Variants in MAPK8IP1 observed in about 807,000 individuals in gnomAD.
MAPK8IP1 encodes C-Jun-amino-terminal kinase-interacting protein 1.
Under a neutral mutation model 72.6 loss-of-function variants are expected in MAPK8IP1, and 17 were observed. The observed-to-expected ratio is 0.23, with a 90% confidence interval of 0.16 to 0.35. The LOEUF (loss-of-function observed/expected upper bound fraction) is 0.35, where lower values mean the gene tolerates loss of function less well. MAPK8IP1 is among the 10% of genes least tolerant of loss of function. The probability of loss-of-function intolerance (pLI) is 1.00; values close to 1 mark genes in which losing one functional copy is unlikely to be tolerated. For synonymous variants in MAPK8IP1, 401 were observed against 443.4 expected, an observed-to-expected ratio of 0.90 and a Z score of 1.20; for missense variants, 789 against 1,009.7, an observed-to-expected ratio of 0.78 and a Z score of 2.96.
Position 45,903,197 on chromosome 11 carries a change from G to A in MAPK8IP1, c.1417+13G>A. 6.3e-7 allele frequency: 1 copy of A among 1,599,110 alleles called. No homozygotes were observed. ...TCCCGCTCCTCCAGTGAGTCAGCAA[G>A]GGGAAGCAGTGGGGTGGGGGGGTCC... On this transcript the variant is annotated intron_variant, in intron 5 of 11. Transcript: ENST00000241014. This position sits in a 1 kb window ranked among gnomAD's most constrained non-coding sequence, Gnocchi z 6.4.
rs748573876 is a variant in MAPK8IP1 at position 45,905,745 on chromosome 11, C to G, written c.*24C>G. 6.2e-6 allele frequency: 10 copies of G among 1,607,530 alleles called. No individual in the cohort carries two copies. In the South Asian group the frequency reaches 1.1e-4, roughly 18 times the overall value. On this transcript the variant is annotated 3_prime_UTR_variant, in exon 12 of 12. Transcript: ENST00000241014. ...AGCTGTGCAGCCCCGCCCTCTGCGT[C>G]CCCCAGCCCTCAGGCCAGTGCCAGG...
chr11:45,894,470 A>C lies in MAPK8IP1; in HGVS notation c.102-3615A>C, dbSNP rs78697786. 1.1e-4 allele frequency among the ~76,000 whole-genome samples: 17 copies of C among 151,814 alleles called. No homozygotes were observed. The East Asian group carries it at 3.1e-3, about 28-fold the overall frequency. ...TATTCTTTCTAGCATTGCCCAATTA[A>C]AGCCCAGTGCCCTCAGCTGTACAGG... On this transcript the variant is annotated intron_variant, in intron 1 of 11. Coordinates refer to ENST00000241014, the MANE Select transcript of MAPK8IP1 (RefSeq NM_005456.4).
intron 1 of MAPK8IP1, among the ~76,000 whole-genome samples, chr11:45,890,423 A>G (rs1211335488): frequency 1.3e-5 from 2 of 152,246 alleles, no homozygotes; most frequent in Non-Finnish European, 2.9e-5. Context: ...TAATGTTTCA[A>G]AAAAGTTTAT....
chr11:45,902,016 A>T lies in MAPK8IP1; in HGVS notation c.559A>T (p.Ser187Cys). ...LNNNSLGKKH[S>C]WQDRVSRSSS... ...TAATAATTCTCTGGGCAAAAAGCAC[A>T]GTTGGCAGGATCGGGTGTCTCGATC... Residue 187 changes from serine to cysteine, a missense_variant, in exon 4 of 12, where the codon AGT becomes TGT. Transcript: ENST00000241014. This position sits in a 1 kb window ranked among gnomAD's most constrained non-coding sequence, Gnocchi z 9.3. 1.9e-6 allele frequency: 3 copies of T among 1,614,166 alleles called. No homozygotes were observed. The highest frequency in any genetic ancestry group is 2.5e-6 in the Non-Finnish European group (3 of 1,179,988).
In MAPK8IP1 at chr11:45,903,736, C is replaced by CCTGCGCTT. The variant is rs1250700294; in HGVS notation, c.1494-251_1494-244dup. Among the ~76,000 whole-genome samples the CCTGCGCTT allele has an allele frequency of 1.3e-5, 2 of 152,162 alleles. No homozygotes were observed. Among genetic ancestry groups the CCTGCGCTT allele is most frequent in the Non-Finnish European group, 2.9e-5 (2 of 68,028 alleles). On this transcript the variant is annotated intron_variant, in intron 6 of 11. Coordinates refer to ENST00000241014, the MANE Select transcript of MAPK8IP1 (RefSeq NM_005456.4). This position sits in a 1 kb window ranked among gnomAD's most constrained non-coding sequence, Gnocchi z 6.4. ...CACCTGACCCTTCTCTAGACAAAAG[C>CCTGCGCTT]CTGCGCTTCCCACAGCCTCTCCATT...
rs1297137427 is a variant in MAPK8IP1 at position 45,904,339 on chromosome 11, T to C, written c.1667-116T>C. Reference sequence around the variant, plus strand: ...CCCGGCCAAGTTGGGCAGCCAGGGATTGTGGCAGCCTCTGTGGGCTCTGCC... The same window carrying C: ...CCCGGCCAAGTTGGGCAGCCAGGGACTGTGGCAGCCTCTGTGGGCTCTGCC... On this transcript the variant is annotated intron_variant, in intron 7 of 11. Coordinates refer to ENST00000241014, the MANE Select transcript of MAPK8IP1 (RefSeq NM_005456.4). This position sits in a 1 kb window ranked among gnomAD's most constrained non-coding sequence, Gnocchi z 6.4. 1 of 1,176,458 alleles carries C rather than the reference T, an allele frequency of 8.5e-7. No homozygotes were observed. Among genetic ancestry groups the C allele is most frequent in the Non-Finnish European group, 1.2e-6 (1 of 803,116 alleles). The allele number at this position is 1,176,458 out of a possible 1,614,324, so 72.9% of individuals were successfully genotyped here.
In MAPK8IP1 at chr11:45,904,232, G is replaced by A. The variant is rs1042074916; in HGVS notation, c.1666+71G>A. The A allele has an allele frequency of 2.2e-5, 33 of 1,509,408 alleles. No individual in the cohort carries two copies. Among genetic ancestry groups the A allele is most frequent in the South Asian group, 3.5e-5 (3 of 86,302 alleles). 93.5% of individuals were successfully genotyped at this position (1,509,408 alleles called of 1,614,324 possible). A position where few individuals can be genotyped will look rare whatever the true frequency, so the allele number is the denominator to read the frequency against. ...TGCCCCAACTTGCTGCTAGGTGAAC[G>A]TGTACTCCAGATCTCAGCCAGCCAG... On this transcript the variant is annotated intron_variant, in intron 7 of 11. Transcript: ENST00000241014. The surrounding 1 kb of genome is among the most constrained non-coding windows in gnomAD (Gnocchi z 6.4).
In MAPK8IP1 at chr11:45,905,920, G is replaced by C. The variant is rs2086704947; in HGVS notation, c.*199G>C. 3.2e-6 allele frequency: 2 copies of C among 622,710 alleles called. No individual in the cohort carries two copies. Among genetic ancestry groups the C allele is most frequent in the Admixed American group, 2.5e-5 (1 of 40,326 alleles). 38.6% of individuals were successfully genotyped at this position (622,710 alleles called of 1,614,324 possible). ...CAGTTTATTGTAATATATGGGATTA[G>C]ATTCATCTATGGAGGGCAGAGTGGG... On this transcript the variant is annotated 3_prime_UTR_variant, in exon 12 of 12. Transcript: ENST00000241014.
rs751660034 is a variant in MAPK8IP1 at position 45,904,441 on chromosome 11, C to T, written c.1667-14C>T. ...GCTCTTTCTGCCCCTCCTCAATTCA[C>T]GCTTGCTTTCCAGCCCTGGCCAAAA... is the stretch of plus-strand genomic sequence containing the variant. On this transcript the variant is annotated splice_polypyrimidine_tract_variant and intron_variant, in intron 7 of 11. Coordinates refer to ENST00000241014, the MANE Select transcript of MAPK8IP1 (RefSeq NM_005456.4). This position sits in a 1 kb window ranked among gnomAD's most constrained non-coding sequence, Gnocchi z 6.4. 20 of 1,607,294 alleles carry T rather than the reference C, an allele frequency of 1.2e-5. No homozygotes were observed. The highest frequency in any genetic ancestry group is 3.3e-5 in the South Asian group (3 of 90,898).
Position 45,903,479 on chromosome 11 carries a change from G to T in MAPK8IP1, c.1493+39G>T, listed in dbSNP as rs1339461290. ...GCTGGCTGGGCCTAGCCAGGCAGCA[G>T]TTTGGGCCACACACCACCCTCTACT... On this transcript the variant is annotated intron_variant, in intron 6 of 11. Coordinates refer to ENST00000241014, the MANE Select transcript of MAPK8IP1 (RefSeq NM_005456.4). The surrounding 1 kb of genome is among the most constrained non-coding windows in gnomAD (Gnocchi z 6.4). The T allele has an allele frequency of 1.3e-6, 2 of 1,566,400 alleles. No individual in the cohort carries two copies. The highest frequency in any genetic ancestry group is 1.7e-5 in the Admixed American group (1 of 57,320).
At chr11:45,896,198 C>T (rs796402310) in intron 1 of MAPK8IP1, among the ~76,000 whole-genome samples, 69 of 152,370 alleles carry the variant, frequency 4.5e-4, no homozygotes, top group African/African-American at 1.7e-3. Flanking sequence ...CTTCCATAGG[C>T]CCTGCCTTCC....
chr11:45,900,119 C>G lies in MAPK8IP1; in HGVS notation c.208-19C>G. 8.3e-7 allele frequency: 1 copy of G among 1,207,604 alleles called. No homozygotes were observed. Among genetic ancestry groups the G allele is most frequent in the Non-Finnish European group, 1.0e-6 (1 of 973,360 alleles). 74.8% of individuals were successfully genotyped at this position (1,207,604 alleles called of 1,614,324 possible). A position where few individuals can be genotyped will look rare whatever the true frequency, so the allele number is the denominator to read the frequency against. On this transcript the variant is annotated intron_variant, in intron 2 of 11. Transcript: ENST00000241014. This position sits in a 1 kb window ranked among gnomAD's most constrained non-coding sequence, Gnocchi z 6.5. The stretch of plus-strand genomic sequence containing the variant: ...CCGCCCCGGCCCCGCCCCCTGACGC[C>G]CCTCCGTGCGCTGTGCAGCCCCCGC...
intron 1 of MAPK8IP1, among the ~76,000 whole-genome samples, chr11:45,893,130 T>C (rs4756040): frequency 1 from 152,300 of 152,346 alleles, 76,127 homozygotes; most frequent in Non-Finnish European, 1. Flanking sequence ...GAATGACATC[T>C]GAACAGCCAA....
chr11:45,905,189 G>A lies in MAPK8IP1; in HGVS notation c.2003G>A (p.Arg668Gln), dbSNP rs140733166. ...ATCACCAAGCACCCCGCCGACCACC[G>A]GTTTGCCTGCCACGTCTTTGTGTCT... is the stretch of plus-strand genomic sequence containing the variant. Reference protein sequence around the residue: ...GFITKHPADHRFACHVFVSED... With the variant: ...GFITKHPADHQFACHVFVSED... Residue 668 changes from arginine to glutamine, a missense_variant, in exon 11 of 12, where the codon CGG becomes CAG. Transcript: ENST00000241014. 49 of 1,613,214 alleles carry A rather than the reference G, an allele frequency of 3.0e-5. No individual in the cohort carries two copies. The African/African-American group carries it at 4.8e-4, about 16-fold the overall frequency.
chr11:45,901,480 C>T (rs2086652588), intron 3 of MAPK8IP1, among the ~76,000 whole-genome samples: 1 of 152,116 alleles, frequency 6.6e-6, no homozygotes, highest in Non-Finnish European at 1.5e-5. Context: ...GAGACCCTTC[C>T]TTGTGCTTTT....
At chr11:45,896,190 T>G (rs1172471926) in intron 1 of MAPK8IP1, among the ~76,000 whole-genome samples, 1 of 152,174 alleles carries the variant, frequency 6.6e-6, no homozygotes, top group Non-Finnish European at 1.5e-5. Context: ...GCCTCCTGCT[T>G]CCATAGGCCC....
chr11:45,898,041 C>T, intron 1 of MAPK8IP1, 44 bp from the exon 2 acceptor site: 1 of 1,183,726 alleles, frequency 8.4e-7, no homozygotes. Context: ...TGTGAGCAGG[C>T]ATAGTGCCCC....
chr11:45,904,180 C>T lies in MAPK8IP1; in HGVS notation c.1666+19C>T, dbSNP rs763357816. ...ATGGCAGGTAGTGTTCCCTCCCTGG[C>T]CTGTGCCCCCAGCCACCACATCTGT... On this transcript the variant is annotated intron_variant, in intron 7 of 11. Coordinates refer to ENST00000241014, the MANE Select transcript of MAPK8IP1 (RefSeq NM_005456.4). The surrounding 1 kb of genome is among the most constrained non-coding windows in gnomAD (Gnocchi z 6.4). The T allele has an allele frequency of 6.2e-6, 10 of 1,610,582 alleles. No individual in the cohort carries two copies. Among genetic ancestry groups the T allele is most frequent in the Non-Finnish European group, 6.8e-6 (8 of 1,178,480 alleles).
rs953150660 is a variant in MAPK8IP1 at position 45,887,952 on chromosome 11, T to C, written c.101+2031T>C. Among the ~76,000 whole-genome samples, 3 of 152,348 alleles carry C rather than the reference T, an allele frequency of 2.0e-5. No individual in the cohort carries two copies. In the East Asian group the frequency reaches 5.8e-4, roughly 29 times the overall value. ...GGTAGATAGTGCTTTCTTGTGGCTC[T>C]TTGGTGGAGTCATAGATCCAACTGG... On this transcript the variant is annotated intron_variant, in intron 1 of 11. Coordinates refer to ENST00000241014, the MANE Select transcript of MAPK8IP1 (RefSeq NM_005456.4).
Sources: allele counts gnomAD v4.1 joint callset (sites outside exome capture counted in the v4.1 genomes callset), GRCh38; gene constraint gnomAD v4.1.1; non-coding constraint Gnocchi (gnomAD v3.1); transcripts MANE v1.5; gene names NCBI Gene and HGNC (gene_info 2026-07-23, HGNC 2026-07-21).